HIVEP1: variants seen among roughly 807,000 people sequenced by gnomAD.
HIVEP1 encodes the protein HIVEP zinc finger 1.
In HIVEP1, 36 loss-of-function variants were observed where a neutral mutation model predicts 180.0. That is an observed-to-expected ratio of 0.20 (90% CI 0.15 to 0.26). The LOEUF (loss-of-function observed/expected upper bound fraction) is 0.26. Ranked by LOEUF, HIVEP1 falls within the 10% of genes least tolerant of loss-of-function variation. The pLI, the probability that HIVEP1 is intolerant of heterozygous loss-of-function variation, is 1.00. For synonymous variants in HIVEP1, 1,239 were observed against 1,239.0 expected (o/e 1.00, Z 0.00); for missense variants, 3,143 against 3,268.7 (o/e 0.96, Z 0.94).
Position 12,123,322 on chromosome 6 carries a change from T to C in HIVEP1, c.3527T>C (p.Val1176Ala). The C allele has an allele frequency of 6.2e-7, 1 of 1,614,054 alleles. No homozygotes were observed. Among genetic ancestry groups the C allele is most frequent in the South Asian group, 1.1e-5 (1 of 91,066 alleles). Residue 1176 changes from valine (V) to alanine (A), a missense_variant, in exon 4 of 9, where the codon GTG becomes GCG. Val to Ala is a moderately conservative substitution (Grantham distance 64). Coordinates refer to ENST00000379388, the MANE Select transcript of HIVEP1 (RefSeq NM_002114.4). ...ACGGGGAAGTCCGGGTCTCTAAAAG[T>C]GATAGGAATCTCCCAAGAGGAAAGT... is the stretch of plus-strand genomic sequence containing the variant. ...NRTGKSGSLK[V>A]IGISQEESHP...
intron 3 of HIVEP1, among the ~76,000 whole-genome samples, chr6:12,097,747 T>G (rs1300506306): frequency 6.6e-6 from 1 of 152,150 alleles, no homozygotes; most frequent in Non-Finnish European, 1.5e-5. Context: ...GCCTTTCAGA[T>G]AGACTGCCAG....
the HIVEP1 span, among the ~76,000 whole-genome samples, chr6:12,204,363 C>CTTCCCTGTCTTCCTCTTTTACCTCCCT: frequency 2.6e-5 from 4 of 152,100 alleles, no homozygotes; most frequent in Non-Finnish European, 5.9e-5. Flanking sequence ...AGCTTCCTCC[C>CTTCCCTGTCTTCCTCTTTTACCTCCCT]TTCCCCGTCT....
rs199964249 is a variant in HIVEP1 at position 12,161,906 on chromosome 6, G to A, written c.6955G>A (p.Gly2319Arg). 20 of 1,611,590 alleles carry A rather than the reference G, an allele frequency of 1.2e-5. No individual in the cohort carries two copies. The Admixed American group carries it at 2.8e-4, about 23-fold the overall frequency. ...AGAAATTCTGAGAAGTTCTATGGCA[G>A]GAAAAGCTGTTGCTATAACACAGGT... Reference protein sequence around the residue: ...SEEILRSSMAGKAVAITQSPS... With the variant: ...SEEILRSSMARKAVAITQSPS... Residue 2319 changes from glycine to arginine, a missense_variant, in exon 8 of 9, where the codon GGA becomes AGA. By Grantham distance (125) the Gly-to-Arg change is moderately radical (BLOSUM62 -2). This residue lies in a region of HIVEP1 where 595 missense variants were observed against 602.2 expected (regional missense o/e 0.99). Transcript: ENST00000379388.
intron 3 of HIVEP1, among the ~76,000 whole-genome samples, chr6:12,090,443 G>T (rs745513313): frequency 6.6e-6 from 1 of 152,066 alleles, no homozygotes; most frequent in Non-Finnish European, 1.5e-5. Context: ...AAACCAGCCT[G>T]TGAAGCCTTC....
intron 2 of HIVEP1, among the ~76,000 whole-genome samples, chr6:12,025,027 G>A (rs1450036573): frequency 6.6e-6 from 1 of 152,136 alleles, no homozygotes; most frequent in Non-Finnish European, 1.5e-5. Context: ...GGCTTTTCAT[G>A]TTTTCTCATT....
At chr6:12,177,713 A>G in the HIVEP1 span, among the ~76,000 whole-genome samples, 1 of 152,168 alleles carries the variant, frequency 6.6e-6, no homozygotes, top group African/African-American at 2.4e-5. Flanking sequence ...TTTTGACTCT[A>G]AACCACAATG....
chr6:12,167,785 A>G (rs149365266), downstream of HIVEP1, among the ~76,000 whole-genome samples: 1,216 of 143,428 alleles, frequency 8.5e-3, 14 homozygotes, highest in African/African-American at 0.028. Flanking sequence ...AGATGTGCGT[A>G]TATAATATAT....
intron 2 of HIVEP1, among the ~76,000 whole-genome samples, chr6:12,027,657 T>C (rs992212010): frequency 6.6e-6 from 1 of 152,226 alleles, no homozygotes. Context: ...AATAGAGCTG[T>C]CTTTGAGAGG....
downstream of HIVEP1, among the ~76,000 whole-genome samples, chr6:12,166,786 C>T (rs1035164762): frequency 6.6e-6 from 1 of 151,966 alleles, no homozygotes; most frequent in Non-Finnish European, 1.5e-5. Flanking sequence ...GTGTGGAGAC[C>T]CAGGCCTGTA....
chr6:12,099,696 GT>G (rs770913026), intron 3 of HIVEP1, among the ~76,000 whole-genome samples: 11 of 152,070 alleles, frequency 7.2e-5, no homozygotes, highest in Non-Finnish European at 1.6e-4. Context: ...ACTTACTACA[GT>G]TCTTAGTGCA....
intron 2 of HIVEP1, among the ~76,000 whole-genome samples, chr6:12,075,788 A>G (rs991017852): frequency 1.3e-5 from 2 of 152,090 alleles, no homozygotes; most frequent in Non-Finnish European, 2.9e-5. Context: ...TCTCATTCCT[A>G]TGTTTTCATT....
the HIVEP1 span, among the ~76,000 whole-genome samples, chr6:12,177,605 T>C: frequency 2.3e-4 from 35 of 152,182 alleles, no homozygotes; most frequent in Admixed American, 3.3e-4. Flanking sequence ...ATTATTATTA[T>C]TGTTGCATTG....
rs774660251 is a variant in HIVEP1 at position 12,138,038 on chromosome 6, C to G, written c.6487+2146C>G. 2.6e-5 allele frequency among the ~76,000 whole-genome samples: 4 copies of G among 152,304 alleles called. No homozygotes were observed. In the East Asian group the frequency reaches 5.8e-4, roughly 22 times the overall value. ...CTGAGGGGCAGCTTCCGTTACTCCC[C>G]ACTCCTTGCCACTCTCCTGTCCCTC... On this transcript the variant is annotated intron_variant, in intron 7 of 8. Transcript: ENST00000379388.
chr6:12,008,570 T>G (rs1265379678), upstream of HIVEP1: 1 of 152,026 alleles, frequency 6.6e-6, no homozygotes, highest in African/African-American at 2.4e-5. Flanking sequence ...GTGTGGGTCC[T>G]TTCCCGCGAC....
At chr6:12,197,326 G>A in the HIVEP1 span, among the ~76,000 whole-genome samples, 2 of 152,100 alleles carry the variant, frequency 1.3e-5, no homozygotes, top group East Asian at 3.9e-4. Context: ...GGGAGGCTGA[G>A]GCAGGCAGAT....
At chr6:12,143,118 T>C (rs766936533) in intron 7 of HIVEP1, among the ~76,000 whole-genome samples, 8 of 152,206 alleles carry the variant, frequency 5.3e-5, no homozygotes, top group Non-Finnish European at 1.2e-4. Context: ...CTGATGAACA[T>C]CGATGTGAAA....
chr6:12,155,540 G>A (rs1041198329), intron 7 of HIVEP1, among the ~76,000 whole-genome samples: 12 of 152,006 alleles, frequency 7.9e-5, no homozygotes, highest in Admixed American at 2.6e-4. Context: ...TTAGTTTGCT[G>A]AGGATTATGG....
chr6:12,144,268 A>C (rs548282282), intron 7 of HIVEP1, among the ~76,000 whole-genome samples: 1 of 152,340 alleles, frequency 6.6e-6, no homozygotes, highest in African/African-American at 2.4e-5. Flanking sequence ...TAACAAAAAC[A>C]AGAAAAGGGG....
rs769482068 is a variant in HIVEP1 at position 12,163,676 on chromosome 6, G to T, written c.7372G>T (p.Ala2458Ser). 16 of 1,614,004 alleles carry T rather than the reference G, an allele frequency of 9.9e-6. No individual in the cohort carries two copies. Among genetic ancestry groups the T allele is most frequent in the Admixed American group, 6.7e-5 (4 of 60,000 alleles). ...TGGCACTACAAACCCTGCTGGAGTG[G>T]CTGAATTAAGCAGTGTTGTGCCATG... ...VSGTTNPAGV[A>S]ELSSVVPCIP... Residue 2458 changes from alanine (A) to serine (S), a missense_variant, in exon 9 of 9, where the codon GCT (alanine) becomes TCT (serine). By Grantham distance (99) the Ala-to-Ser change is moderately conservative. Transcript: ENST00000379388.
Sources: allele counts gnomAD v4.1 joint callset (sites outside exome capture counted in the v4.1 genomes callset), GRCh38; gene constraint gnomAD v4.1.1; regional missense constraint gnomAD v4.1.1; transcripts MANE v1.5; gene names NCBI Gene and HGNC (gene_info 2026-07-23, HGNC 2026-07-21).